The following DROSHA variants were observed in gnomAD, a reference collection of about 807,000 sequenced individuals.
DROSHA encodes ribonuclease 3.
A neutral mutation model predicts 181.9 loss-of-function variants in DROSHA; 56 were observed. The ratio of observed to expected loss-of-function variants is 0.31; its 90% confidence interval spans 0.25 to 0.38. The LOEUF (loss-of-function observed/expected upper bound fraction) is 0.38, where lower values mean the gene tolerates loss of function less well. Among genes scored for constraint, DROSHA ranks in the 10% least tolerant of loss-of-function variants. DROSHA has a pLI of 1.00. For synonymous variants in DROSHA, 524 were observed against 591.2 expected (o/e 0.89, Z 1.65); for missense variants, 1,218 against 1,743.5 (o/e 0.70, Z 5.37).
intron 23 of DROSHA, among the ~76,000 whole-genome samples, chr5:31,439,667 TA>T (rs1300383414): frequency 1.3e-5 from 2 of 152,146 alleles, no homozygotes; most frequent in African/African-American, 4.8e-5. Flanking sequence ...AAAAACATAG[TA>T]CATAAAGGGT....
At chr5:31,519,400 G>A (rs1739622897) in intron 6 of DROSHA, among the ~76,000 whole-genome samples, 1 of 151,942 alleles carries the variant, frequency 6.6e-6, no homozygotes, top group South Asian at 2.1e-4. Flanking sequence ...ATCTAATCCA[G>A]AGCAACATGT....
At chr5:31,448,920 G>C (rs1561178623) in intron 22 of DROSHA, among the ~76,000 whole-genome samples, 1 of 152,110 alleles carries the variant, frequency 6.6e-6, no homozygotes, top group Non-Finnish European at 1.5e-5. Context: ...ATCACTTGAG[G>C]TCAGGAGTTC....
At chr5:31,438,277 G>A (rs924935437) in intron 23 of DROSHA, among the ~76,000 whole-genome samples, 2 of 152,162 alleles carry the variant, frequency 1.3e-5, no homozygotes, top group Middle Eastern at 6.3e-3. Flanking sequence ...GGCCACACTG[G>A]CTGCTGTGTA....
chr5:31,441,900 C>A (rs1266097061), intron 23 of DROSHA, among the ~76,000 whole-genome samples: 2 of 152,132 alleles, frequency 1.3e-5, no homozygotes, highest in African/African-American at 4.8e-5. Flanking sequence ...AAGCAAGAAA[C>A]TGGGGACAAA....
intron 16 of DROSHA, among the ~76,000 whole-genome samples, chr5:31,481,681 A>C (rs181648747): frequency 4.6e-5 from 7 of 152,372 alleles, no homozygotes; most frequent in Admixed American, 1.3e-4. Flanking sequence ...AATCTGAGTA[A>C]TGCTAACCTA....
intron 23 of DROSHA, among the ~76,000 whole-genome samples, chr5:31,448,130 A>G (rs1390131697): frequency 6.6e-6 from 1 of 152,258 alleles, no homozygotes; most frequent in African/African-American, 2.4e-5. Flanking sequence ...ACAGATACAT[A>G]AAATATGATA....
intron 20 of DROSHA, among the ~76,000 whole-genome samples, chr5:31,456,846 C>T (rs6889759): frequency 0.027 from 4,083 of 152,146 alleles, 177 homozygotes; most frequent in African/African-American, 0.094. Context: ...ACTGCAGCCC[C>T]AAACTCCTGG....
intron 26 of DROSHA, 43 bp from the exon 27 acceptor site, chr5:31,429,588 C>T (rs367768252): frequency 2.1e-5 from 33 of 1,552,572 alleles, no homozygotes; most frequent in African/African-American, 1.4e-5. Context: ...TCTCCATCAA[C>T]AGTCAAAGAA....
chr5:31,522,454 AT>A (rs35641393), intron 5 of DROSHA, among the ~76,000 whole-genome samples: 60,504 of 151,640 alleles, frequency 0.4, 13,163 homozygotes, highest in Non-Finnish European at 0.5. Flanking sequence ...TTTCTAATAT[AT>A]TTTTTTTTAC....
intron 23 of DROSHA, among the ~76,000 whole-genome samples, chr5:31,445,684 T>C (rs1267313349): frequency 3.3e-5 from 5 of 150,720 alleles, no homozygotes; most frequent in Admixed American, 6.6e-5. Flanking sequence ...TAAAATGACA[T>C]GATTATGTTA....
intron 20 of DROSHA, among the ~76,000 whole-genome samples, chr5:31,452,376 C>G (rs989068820): frequency 2.0e-5 from 3 of 152,274 alleles, no homozygotes; most frequent in East Asian, 3.9e-4. Context: ...TTTTATAAAG[C>G]CACCAGTATA....
At chr5:31,513,839 A>C (rs1471754486) in intron 8 of DROSHA, among the ~76,000 whole-genome samples, 1 of 152,250 alleles carries the variant, frequency 6.6e-6, no homozygotes, top group African/African-American at 2.4e-5. Context: ...TAATCAATGA[A>C]CATTACAACA....
intron 10 of DROSHA, among the ~76,000 whole-genome samples, chr5:31,508,302 T>C (rs1209317180): frequency 6.6e-6 from 1 of 152,244 alleles, no homozygotes; most frequent in Non-Finnish European, 1.5e-5. Flanking sequence ...GGTGAACTAC[T>C]TCTAAAAAGA....
At chr5:31,459,982 TC>T (rs771174072) in intron 20 of DROSHA, among the ~76,000 whole-genome samples, 1 of 152,182 alleles carries the variant, frequency 6.6e-6, no homozygotes, top group Non-Finnish European at 1.5e-5. Context: ...AATTCTTTGC[TC>T]CTTTTTTCAT....
intron 26 of DROSHA, among the ~76,000 whole-genome samples, chr5:31,431,133 G>A (rs1477046288): frequency 6.6e-6 from 1 of 152,034 alleles, no homozygotes; most frequent in Non-Finnish European, 1.5e-5. Flanking sequence ...ACCCTGGGTG[G>A]GGCTTAAAAG....
At chr5:31,508,908 C>T in intron 9 of DROSHA, 133 bp from the exon 10 acceptor site, 1 of 1,028,398 alleles carries the variant, frequency 9.7e-7, no homozygotes. Context: ...CTGCAAACTC[C>T]ACCTCCCGAG....
In DROSHA at chr5:31,526,874, C is replaced by T. The variant is rs1206389569; in HGVS notation, c.59G>A (p.Arg20Gln). 1 of 1,613,140 alleles carries T rather than the reference C, an allele frequency of 6.2e-7. No homozygotes were observed. ...MSFHPGRGCP[R>Q]GRGGHGARPS... ...TCTGGCTCCATGTCCTCCTCGTCCT[C>T]GGGGACACCCTCGTCCCGGGTGGAA... The change falls in exon 5 of 36, where the codon CGA (arginine) becomes CAA (glutamine). Residue 20 changes from arginine to glutamine, a missense_variant. By Grantham distance (43) the Arg-to-Gln change is conservative. Around this residue, in one of 8 missense-constraint regions of DROSHA, gnomAD observed 536 missense variants for 535.4 expected, o/e 1.00. Coordinates refer to ENST00000344624, the MANE Select transcript of DROSHA (RefSeq NM_001382508.1).
At chr5:31,513,139 G>C (rs796189898) in intron 8 of DROSHA, among the ~76,000 whole-genome samples, 28 of 152,198 alleles carry the variant, frequency 1.8e-4, no homozygotes, top group African/African-American at 6.3e-4. Context: ...GGGGAGTCAA[G>C]GGATGAAAGG....
In DROSHA at chr5:31,435,840, A is replaced by G. The variant is rs757223750; in HGVS notation, c.2967T>C (p.Pro989=). The change falls in exon 25 of 36, where the codon CCT becomes CCC. Residue 989 remains proline, a synonymous_variant. Transcript: ENST00000344624. ...TTGCTAATCCTCCTTCTTCCAGACTAGGAAACAAATAGTACAAATGGACGC... is the reference window on the plus strand; with the variant it reads ...TTGCTAATCCTCCTTCTTCCAGACTGGGAAACAAATAGTACAAATGGACGC... ...LTSVHLYYLF[P]SLEEGGLATY... The G allele has an allele frequency of 3.7e-6, 6 of 1,613,782 alleles. No homozygotes were observed. The highest frequency in any genetic ancestry group is 5.1e-6 in the Non-Finnish European group (6 of 1,179,814).
Sources: allele counts gnomAD v4.1 joint callset (sites outside exome capture counted in the v4.1 genomes callset), GRCh38; gene constraint gnomAD v4.1.1; regional missense constraint gnomAD v4.1.1; transcripts MANE v1.5; gene names NCBI Gene and HGNC (gene_info 2026-07-23, HGNC 2026-07-21).